SOX6: variants seen among roughly 807,000 people sequenced by gnomAD.
The protein encoded by SOX6 is transcription factor SOX-6.
A neutral mutation model predicts 97.8 loss-of-function variants in SOX6; 11 were observed. The observed-to-expected ratio is 0.11, with a 90% CI of 0.07 to 0.19. The LOEUF (loss-of-function observed/expected upper bound fraction) is 0.19, where lower values mean the gene tolerates loss of function less well. SOX6 is among the 10% of genes least tolerant of loss of function. SOX6 has a pLI of 1.00. For synonymous variants in SOX6, 360 were observed against 371.4 expected, an observed-to-expected ratio of 0.97 and a Z score of 0.35; for missense variants, 810 against 1,039.5, an observed-to-expected ratio of 0.78 and a Z score of 3.04.
At chr11:16,323,961 T>C (rs1181002766) in intron 2 of SOX6, among the ~76,000 whole-genome samples, 2 of 151,916 alleles carry the variant, frequency 1.3e-5, no homozygotes, top group Admixed American at 1.3e-4. Context: ...AGCAGGAGGA[T>C]CACTTCAGCC....
intron 4 of SOX6, among the ~76,000 whole-genome samples, chr11:16,573,792 T>C (rs909901764): frequency 2.0e-5 from 3 of 152,222 alleles, no homozygotes; most frequent in African/African-American, 7.2e-5. Flanking sequence ...TGACCAAATG[T>C]CTTTTAGTGT....
intron 1 of SOX6, among the ~76,000 whole-genome samples, chr11:16,446,543 T>C (rs1859615382): frequency 6.6e-6 from 1 of 152,170 alleles, no homozygotes; most frequent in Admixed American, 6.5e-5. Flanking sequence ...TTAGTGGTCA[T>C]ATTTCTGCAG....
intron 3 of SOX6, among the ~76,000 whole-genome samples, chr11:16,284,290 G>A (rs1157953124): frequency 6.6e-6 from 1 of 152,104 alleles, no homozygotes; most frequent in Non-Finnish European, 1.5e-5. Flanking sequence ...CTTCAGGAAT[G>A]ATTTAACAAT....
intron 12 of SOX6, among the ~76,000 whole-genome samples, chr11:16,022,335 C>CTTCT (rs1855086993): frequency 8.3e-6 from 1 of 120,734 alleles, no homozygotes; most frequent in South Asian, 3.0e-4. Context: ...TCCTTCTTTC[C>CTTCT]TTCCTTCCTT....
At chr11:16,326,633 A>G (rs921559137) in intron 2 of SOX6, among the ~76,000 whole-genome samples, 1 of 152,192 alleles carries the variant, frequency 6.6e-6, no homozygotes, top group Non-Finnish European at 1.5e-5. Flanking sequence ...TGAGGCAAAA[A>G]TTACACTTTA....
At chr11:16,209,951 A>T (rs1427954746) in intron 4 of SOX6, among the ~76,000 whole-genome samples, 1 of 152,120 alleles carries the variant, frequency 6.6e-6, no homozygotes. Flanking sequence ...GATTTATAGT[A>T]TCTATTCAAC....
At chr11:16,128,427 C>T (rs1849659545) in intron 6 of SOX6, among the ~76,000 whole-genome samples, 1 of 152,008 alleles carries the variant, frequency 6.6e-6, no homozygotes, top group South Asian at 2.1e-4. Context: ...TTTAGAAAGC[C>T]AATTTTCCAA....
intron 1 of SOX6, among the ~76,000 whole-genome samples, chr11:16,425,375 C>T (rs1235982641): frequency 1.3e-5 from 2 of 152,190 alleles, no homozygotes; most frequent in East Asian, 3.8e-4. Context: ...GTTCTAGTTG[C>T]TGAGGATACA....
chr11:16,282,071 A>G (rs1854580987), intron 3 of SOX6, among the ~76,000 whole-genome samples: 1 of 149,812 alleles, frequency 6.7e-6, no homozygotes, highest in Non-Finnish European at 1.5e-5. Context: ...TACAATGCAC[A>G]CTAGATGCAA....
intron 3 of SOX6, chr11:16,316,601 T>C (rs1414447228): frequency 1.3e-5 from 2 of 151,994 alleles, no homozygotes; most frequent in African/African-American, 4.8e-5. Flanking sequence ...AATTAACCAT[T>C]ACTTGCAAGG....
intron 3 of SOX6, among the ~76,000 whole-genome samples, chr11:16,639,002 C>T (rs1590027925): frequency 1.3e-5 from 2 of 152,294 alleles, no homozygotes; most frequent in Non-Finnish European, 1.5e-5. Context: ...CCCATGCCTA[C>T]ATCCTGAATG....
intron 3 of SOX6, among the ~76,000 whole-genome samples, chr11:16,624,163 TGAAA>T (rs1306352687): frequency 2.3e-5 from 3 of 132,310 alleles, no homozygotes; most frequent in Non-Finnish European, 5.0e-5. Flanking sequence ...TGCATTTCAG[TGAAA>T]GATTTTTATT....
intron 4 of SOX6, among the ~76,000 whole-genome samples, chr11:16,496,041 G>T (rs1157741811): frequency 6.6e-6 from 1 of 152,148 alleles, no homozygotes; most frequent in Non-Finnish European, 1.5e-5. Flanking sequence ...CAAAGCCAAA[G>T]TGCTCTACTC....
At chr11:16,038,377 G>A (rs918682501) in intron 12 of SOX6, among the ~76,000 whole-genome samples, 7 of 152,072 alleles carry the variant, frequency 4.6e-5, no homozygotes, top group African/African-American at 1.7e-4. Flanking sequence ...TAACTCCAAA[G>A]CCTTTGCTCT....
At chr11:16,107,106 T>C (rs1350381225) in intron 7 of SOX6, among the ~76,000 whole-genome samples, 1 of 151,964 alleles carries the variant, frequency 6.6e-6, no homozygotes. Context: ...TTAGCAACAA[T>C]GTGAAGAAAT....
At chr11:16,226,983 T>G (rs1852707331) in intron 4 of SOX6, among the ~76,000 whole-genome samples, 1 of 152,196 alleles carries the variant, frequency 6.6e-6, no homozygotes, top group Non-Finnish European at 1.5e-5. Flanking sequence ...AAGCAGAGTA[T>G]TCAGAGACCA....
intron 13 of SOX6, among the ~76,000 whole-genome samples, chr11:16,010,831 T>C (rs979367458): frequency 6.6e-6 from 1 of 151,936 alleles, no homozygotes; most frequent in Admixed American, 6.6e-5. Context: ...TACTCTCCTC[T>C]TTTACTTCTC....
At chr11:16,237,249 G>A (rs559001546) in intron 3 of SOX6, among the ~76,000 whole-genome samples, 6 of 151,858 alleles carry the variant, frequency 4.0e-5, no homozygotes, top group South Asian at 2.1e-4. Flanking sequence ...CATTCTCCAC[G>A]TAATAATATA....
At chr11:16,078,474 T>C (rs1489147438) in intron 9 of SOX6, among the ~76,000 whole-genome samples, 1 of 152,202 alleles carries the variant, frequency 6.6e-6, no homozygotes, top group East Asian at 1.9e-4. Flanking sequence ...TAAATGAATA[T>C]ATGTCAATTT....
Sources: allele counts gnomAD v4.1 joint callset (sites outside exome capture counted in the v4.1 genomes callset), GRCh38; gene constraint gnomAD v4.1.1; transcripts MANE v1.5; gene names NCBI Gene and HGNC (gene_info 2026-07-23, HGNC 2026-07-21).